The following ROBO2 variants were observed in gnomAD, a reference collection of about 807,000 sequenced individuals.
ROBO2 encodes roundabout homolog 2.
ROBO2 carries 53 observed loss-of-function variants against 160.8 expected under a neutral mutation model. The ratio of observed to expected loss-of-function variants is 0.33; its 90% confidence interval spans 0.26 to 0.41. The LOEUF (loss-of-function observed/expected upper bound fraction) is 0.41. Among genes scored for constraint, ROBO2 ranks in the 10% least tolerant of loss-of-function variants. ROBO2 has a pLI of 1.00. For missense variants in ROBO2, 1,577 were observed against 1,722.4 expected (o/e 0.92, Z 1.49); for synonymous variants, 664 against 611.7 (o/e 1.09, Z -1.26).
chr3:76,458,639 C>T (rs2077913818), intron 2 of ROBO2, among the ~76,000 whole-genome samples: 1 of 152,132 alleles, frequency 6.6e-6, no homozygotes, highest in Admixed American at 6.6e-5. Context: ...TGTTTTCACG[C>T]TGCTGATAAA....
At chr3:77,084,909 C>G (rs1462061367) in intron 1 of ROBO2, among the ~76,000 whole-genome samples, 1 of 152,108 alleles carries the variant, frequency 6.6e-6, no homozygotes, top group East Asian at 1.9e-4. Flanking sequence ...AATCTTTTAA[C>G]TGAAAACTAC....
At chr3:76,121,322 A>G (rs1295603511) in intron 2 of ROBO2, among the ~76,000 whole-genome samples, 2 of 152,128 alleles carry the variant, frequency 1.3e-5, no homozygotes, top group African/African-American at 4.8e-5. Context: ...AAGAAATATT[A>G]TTGAGTAGTA....
intron 2 of ROBO2, among the ~76,000 whole-genome samples, chr3:76,939,626 T>A (rs941416578): frequency 6.6e-6 from 1 of 151,944 alleles, no homozygotes. Context: ...TAAAAGAATG[T>A]ACAAATTATT....
At chr3:76,703,519 C>T (rs907706534) in intron 2 of ROBO2, among the ~76,000 whole-genome samples, 2 of 152,006 alleles carry the variant, frequency 1.3e-5, no homozygotes, top group African/African-American at 4.8e-5. Context: ...TCCCCTTTCC[C>T]CCACCCCCGA....
chr3:77,098,617 G>T (rs553855604), intron 2 of ROBO2, among the ~76,000 whole-genome samples: 3 of 152,222 alleles, frequency 2.0e-5, no homozygotes, highest in Non-Finnish European at 4.4e-5. Context: ...GGAGGCGGAG[G>T]CGGGCGGATC....
chr3:76,464,485 T>C (rs940460327), intron 2 of ROBO2, among the ~76,000 whole-genome samples: 1 of 151,684 alleles, frequency 6.6e-6, no homozygotes, highest in Non-Finnish European at 1.5e-5. Context: ...CAAACCACTC[T>C]CTCTCTAGGA....
chr3:76,374,403 G>T (rs2076245923), intron 2 of ROBO2, among the ~76,000 whole-genome samples: 1 of 151,896 alleles, frequency 6.6e-6, no homozygotes, highest in Non-Finnish European at 1.5e-5. Flanking sequence ...TAACTTAAAT[G>T]AAATCACTTA....
chr3:76,122,604 T>C (rs2070796047), intron 2 of ROBO2, among the ~76,000 whole-genome samples: 1 of 152,170 alleles, frequency 6.6e-6, no homozygotes, highest in Non-Finnish European at 1.5e-5. Context: ...TTGTGTTCTC[T>C]TTCAAGATAC....
chr3:76,914,137 G>A (rs1454388269), intron 2 of ROBO2, among the ~76,000 whole-genome samples: 2 of 152,170 alleles, frequency 1.3e-5, no homozygotes, highest in African/African-American at 2.4e-5. Context: ...AAAGCATCTT[G>A]TACTGGGAGT....
intron 2 of ROBO2, among the ~76,000 whole-genome samples, chr3:77,420,266 T>A (rs2077595536): frequency 6.6e-6 from 1 of 152,076 alleles, no homozygotes; most frequent in Admixed American, 6.6e-5. Flanking sequence ...CTTTTTTTTT[T>A]TTAAATCAAA....
chr3:76,574,125 A>G lies in ROBO2; in HGVS notation c.110-523889A>G, dbSNP rs373776238. Among the ~76,000 whole-genome samples the G allele has an allele frequency of 2.7e-4, 41 of 152,250 alleles. 2 individuals are homozygous for G. The highest frequency in any genetic ancestry group is 2.7e-3 in the South Asian group (13 of 4,828). On this transcript the variant is annotated intron_variant, in intron 2 of 26. Transcript: ENST00000487694. The stretch of plus-strand genomic sequence containing the variant: ...TCCGTCCTGTGCTTTTCCCTAGCAT[A>G]CATAGAACAATAAATATCTGTTTAT...
intron 2 of ROBO2, among the ~76,000 whole-genome samples, chr3:76,924,871 A>T (rs951412124): frequency 3.3e-5 from 5 of 152,250 alleles, no homozygotes; most frequent in Admixed American, 3.3e-4. Context: ...TGATAAAGTG[A>T]GTTGACATGT....
At chr3:77,597,239 A>G (rs1044590663) in intron 19 of ROBO2, among the ~76,000 whole-genome samples, 15 of 152,140 alleles carry the variant, frequency 9.9e-5, no homozygotes, top group Non-Finnish European at 1.9e-4. Context: ...AATTAAGTCA[A>G]TATAACATGT....
At chr3:77,135,466 T>A (rs2076205497) in intron 2 of ROBO2, among the ~76,000 whole-genome samples, 1 of 152,172 alleles carries the variant, frequency 6.6e-6, no homozygotes, top group African/African-American at 2.4e-5. Context: ...AGTGATGTGA[T>A]CTCTGCTCCC....
At chr3:77,408,108 T>A (rs1158116140) in intron 2 of ROBO2, among the ~76,000 whole-genome samples, 2 of 150,988 alleles carry the variant, frequency 1.3e-5, no homozygotes, top group Admixed American at 6.6e-5. Context: ...AAAAAAAAAA[T>A]AAACAAACAA....
At chr3:76,441,582 A>C (rs1051351183) in intron 2 of ROBO2, among the ~76,000 whole-genome samples, 1 of 152,180 alleles carries the variant, frequency 6.6e-6, no homozygotes, top group Non-Finnish European at 1.5e-5. Flanking sequence ...AGAGCTATTA[A>C]GTTCCTTTGT....
intron 2 of ROBO2, among the ~76,000 whole-genome samples, chr3:76,889,711 G>A (rs2074192639): frequency 1.3e-5 from 2 of 152,126 alleles, no homozygotes; most frequent in African/African-American, 4.8e-5. Context: ...GATAGTAACA[G>A]ATGTTTATGT....
At chr3:77,231,156 G>A (rs1199504674) in intron 2 of ROBO2, among the ~76,000 whole-genome samples, 1 of 151,856 alleles carries the variant, frequency 6.6e-6, no homozygotes, top group Admixed American at 6.6e-5. Flanking sequence ...TTTGAGTCCA[G>A]GAGTTCGAGA....
chr3:76,081,505 C>T (rs946501401), intron 2 of ROBO2, among the ~76,000 whole-genome samples: 1 of 152,068 alleles, frequency 6.6e-6, no homozygotes, highest in Non-Finnish European at 1.5e-5. Flanking sequence ...TTGTTTTAAT[C>T]CTTCCCTATT....
Sources: gnomAD v4.1 joint callset for allele counts (sites outside exome capture counted in the v4.1 genomes callset) on GRCh38, gnomAD v4.1.1 for gene constraint, MANE v1.5 for transcripts, NCBI Gene and HGNC (gene_info 2026-07-23, HGNC 2026-07-21) for gene names.